COL28A1: variants seen among roughly 807,000 people sequenced by gnomAD.
COL28A1 encodes the protein collagen alpha-1(XXVIII) chain.
COL28A1 carries 161 observed loss-of-function variants against 150.2 expected under a neutral mutation model. The ratio of observed to expected loss-of-function variants is 1.07; its 90% CI spans 0.94 to 1.22. COL28A1 has a LOEUF of 1.22. Among genes scored for constraint, COL28A1 ranks in the 50% most tolerant of loss-of-function variants. COL28A1 has a pLI of 0.00. For synonymous variants in COL28A1, 552 were observed against 469.7 expected (o/e 1.18, Z -2.26); for missense variants, 1,617 against 1,388.3 (o/e 1.16, Z -2.62).
chr7:7,360,434 G>T lies in COL28A1; in HGVS notation c.3161C>A (p.Thr1054Asn), dbSNP rs751562595. The T allele has an allele frequency of 1.9e-6, 3 of 1,608,414 alleles. No individual in the cohort carries two copies. The highest frequency in any genetic ancestry group is 2.2e-5 in the South Asian group (2 of 89,782). Residue 1054 changes from threonine to asparagine, a missense_variant, in exon 34 of 35, where the codon ACC (threonine) becomes AAC (asparagine). By Grantham distance (65) the Thr-to-Asn change is moderately conservative. Transcript: ENST00000399429. ...GGTGCTGAGCAGTGGCCTGGGGGTG[G>T]TGGTGGCCTCAGATGAGGTAGTGGC... ...LPATTSSEAT[T>N]TPRPLLSTPV...
chr7:7,455,915 T>A (rs929242086), intron 16 of COL28A1, 129 bp downstream of exon 16: 1 of 1,273,134 alleles, frequency 7.9e-7, no homozygotes, highest in African/African-American at 1.5e-5. Context: ...TATTCACTTC[T>A]GGACTTATAC....
chr7:7,383,854 A>G (rs982997469), intron 27 of COL28A1, among the ~76,000 whole-genome samples: 2 of 152,034 alleles, frequency 1.3e-5, no homozygotes, highest in African/African-American at 2.4e-5. Flanking sequence ...ATATCCTTTT[A>G]TATGCCTTTG....
chr7:7,387,696 T>A (rs1220022262), intron 27 of COL28A1, among the ~76,000 whole-genome samples: 2 of 152,170 alleles, frequency 1.3e-5, no homozygotes, highest in Non-Finnish European at 2.9e-5. Context: ...TCTTTGCAAC[T>A]TTTTTTGCAA....
chr7:7,498,629 A>G (rs1056937618), intron 11 of COL28A1, among the ~76,000 whole-genome samples: 1 of 152,210 alleles, frequency 6.6e-6, no homozygotes, highest in Admixed American at 6.5e-5. Context: ...TTATGTTATT[A>G]TATATTTTAC....
intron 8 of COL28A1, among the ~76,000 whole-genome samples, chr7:7,511,466 C>T (rs760990787): frequency 6.6e-6 from 1 of 152,164 alleles, no homozygotes; most frequent in Admixed American, 6.5e-5. Context: ...TTAATTGAAT[C>T]CACATAACGG....
At chr7:7,339,952 C>T in the COL28A1 span, among the ~76,000 whole-genome samples, 4 of 152,068 alleles carry the variant, frequency 2.6e-5, no homozygotes, top group African/African-American at 9.7e-5. Context: ...CTTGAAAATC[C>T]TGCACAAATG....
intron 33 of COL28A1, among the ~76,000 whole-genome samples, chr7:7,367,591 G>A (rs994561603): frequency 2.0e-5 from 3 of 151,980 alleles, no homozygotes; most frequent in African/African-American, 7.3e-5. Context: ...TAAATCCAGA[G>A]TATTTTGGTT....
chr7:7,507,276 T>G (rs969062248), intron 9 of COL28A1, 115 bp from the exon 10 acceptor site: 22 of 616,996 alleles, frequency 3.6e-5, no homozygotes, highest in Non-Finnish European at 5.9e-5. Context: ...CCTGGTTATC[T>G]TAACATCAAA....
chr7:7,441,369 C>G (rs1413364250), intron 20 of COL28A1, among the ~76,000 whole-genome samples: 1 of 151,868 alleles, frequency 6.6e-6, no homozygotes, highest in Non-Finnish European at 1.5e-5. Flanking sequence ...GAGCATTAAC[C>G]TGGGGCAGAG....
chr7:7,494,973 T>C (rs542523829), intron 11 of COL28A1, among the ~76,000 whole-genome samples: 2 of 152,152 alleles, frequency 1.3e-5, no homozygotes, highest in African/African-American at 4.8e-5. Flanking sequence ...TGGTGTTAAA[T>C]ATTCTAGAGA....
intron 11 of COL28A1, among the ~76,000 whole-genome samples, chr7:7,491,308 G>C (rs544094860): frequency 2.6e-5 from 4 of 152,270 alleles, no homozygotes; most frequent in African/African-American, 9.6e-5. Context: ...AGATGTGAAG[G>C]ACCTTACTGG....
intron 21 of COL28A1, among the ~76,000 whole-genome samples, chr7:7,439,501 TA>T (rs1785597827): frequency 6.6e-6 from 1 of 152,232 alleles, no homozygotes. Flanking sequence ...CAATTACTTT[TA>T]TACCATGAAA....
At chr7:7,525,887 T>G (rs1045048014) in intron 3 of COL28A1, among the ~76,000 whole-genome samples, 4 of 152,158 alleles carry the variant, frequency 2.6e-5, no homozygotes, top group Non-Finnish European at 5.9e-5. Flanking sequence ...CTACATGATC[T>G]CAGGAGCTAT....
At chr7:7,527,854 C>T (rs970379597) in intron 3 of COL28A1, among the ~76,000 whole-genome samples, 1 of 151,926 alleles carries the variant, frequency 6.6e-6, no homozygotes, top group Non-Finnish European at 1.5e-5. Context: ...GAGGGATGGA[C>T]AAATATCACA....
At chr7:7,362,110 C>A (rs1411665704) in intron 33 of COL28A1, among the ~76,000 whole-genome samples, 2 of 152,138 alleles carry the variant, frequency 1.3e-5, no homozygotes, top group Non-Finnish European at 1.5e-5. Flanking sequence ...AGCAAACCAC[C>A]ATGGCACGTG....
rs777204327 is a variant in COL28A1 at position 7,358,681 on chromosome 7, A to G, written c.3330T>C (p.Asn1110=). Reference sequence around the variant, plus strand: ...GACATTCCTTTTCACTGTTGAATCTATTTCCTGAGCCATTACAGCCACTGA... The same window carrying G: ...GACATTCCTTTTCACTGTTGAATCTGTTTCCTGAGCCATTACAGCCACTGA... ...FWFSGCNGSG[N]RFNSEKECQE... is the part of the protein sequence containing the mutation. Residue 1110 remains asparagine, a synonymous_variant, in exon 35 of 35, where the codon AAT becomes AAC. Transcript: ENST00000399429. The G allele has an allele frequency of 1.2e-6, 2 of 1,613,988 alleles. No individual in the cohort carries two copies. Among genetic ancestry groups the G allele is most frequent in the Non-Finnish European group, 1.7e-6 (2 of 1,179,942 alleles).
chr7:7,398,825 C>G (rs151236433), intron 27 of COL28A1, among the ~76,000 whole-genome samples: 1 of 152,180 alleles, frequency 6.6e-6, no homozygotes, highest in African/African-American at 2.4e-5. Context: ...GCCATCTGCA[C>G]GATGCAGTCT....
intron 14 of COL28A1, 141 bp downstream of exon 14, chr7:7,476,971 A>C: frequency 6.7e-6 from 4 of 597,256 alleles, no homozygotes; most frequent in Non-Finnish European, 1.2e-5. Context: ...AGGGAAATTT[A>C]CATATTCCTT....
At chr7:7,411,620 C>T (rs140755265) in intron 27 of COL28A1, among the ~76,000 whole-genome samples, 1 of 152,148 alleles carries the variant, frequency 6.6e-6, no homozygotes, top group African/African-American at 2.4e-5. Context: ...TCCAGGTGTC[C>T]CTCATTCTCT....
Sources: allele counts gnomAD v4.1 joint callset (sites outside exome capture counted in the v4.1 genomes callset), GRCh38; gene constraint gnomAD v4.1.1; transcripts MANE v1.5; gene names NCBI Gene and HGNC (gene_info 2026-07-23, HGNC 2026-07-21).